SUCO: variants seen among roughly 807,000 people sequenced by gnomAD.
The protein encoded by SUCO is SUN domain containing ossification factor.
A neutral mutation model predicts 148.1 loss-of-function variants in SUCO; 57 were observed. That is an observed-to-expected ratio of 0.38 (90% CI 0.31 to 0.48). The LOEUF (loss-of-function observed/expected upper bound fraction) is 0.48, where lower values mean the gene tolerates loss of function less well. Ranked by LOEUF, SUCO falls within the 20% of genes least tolerant of loss-of-function variation. The pLI, the probability that SUCO is intolerant of heterozygous loss-of-function variation, is 0.96. For synonymous variants in SUCO, 470 were observed against 502.7 expected (o/e 0.93, Z 0.87); for missense variants, 1,331 against 1,468.2 (o/e 0.91, Z 1.53).
At position 172,610,373 on chromosome 1, in the gene SUCO, G is replaced by A; in HGVS notation, c.*114G>A. On this transcript the variant is annotated 3_prime_UTR_variant, in exon 24 of 24. Transcript: ENST00000263688. The stretch of plus-strand genomic sequence containing the variant: ...AAAATATTAATGGGAAAGGCATTCA[G>A]AAATTATGGTTTCTACCTTTTTAAA... 2 of 1,416,224 alleles carry A rather than the reference G, an allele frequency of 1.4e-6. No individual in the cohort carries two copies. Among genetic ancestry groups the A allele is most frequent in the Non-Finnish European group, 1.9e-6 (2 of 1,081,058 alleles). 87.7% of individuals were successfully genotyped at this position (1,416,224 alleles called of 1,614,324 possible). A position where few individuals can be genotyped will look rare whatever the true frequency, so the allele number is the denominator to read the frequency against.
At chr1:172,562,395 G>A (rs1197009131) in intron 6 of SUCO, among the ~76,000 whole-genome samples, 1 of 149,362 alleles carries the variant, frequency 6.7e-6, no homozygotes, top group African/African-American at 2.5e-5. Flanking sequence ...GTGCAGTGGT[G>A]CGATCTCTGC....
At chr1:172,571,556 C>T (rs1654989402) in intron 9 of SUCO, among the ~76,000 whole-genome samples, 1 of 147,920 alleles carries the variant, frequency 6.8e-6, no homozygotes, top group Non-Finnish European at 1.5e-5. Context: ...TGCCTGGCTG[C>T]CCAGTCTGGA....
At chr1:172,580,521 T>C (rs1184778146) in intron 15 of SUCO, among the ~76,000 whole-genome samples, 1 of 152,214 alleles carries the variant, frequency 6.6e-6, no homozygotes, top group East Asian at 1.9e-4. Context: ...TGGATATTAA[T>C]GTTTTTGTTT....
chr1:172,585,041 A>G lies in SUCO; in HGVS notation c.1522A>G (p.Ile508Val). ...AGATGCCATTCTAAATATGGTGAAT[A>G]TTGCTGCTAATATTCTGGGAGCAAA... ...ATNAILNMVN[I>V]AANILGAKTE... Residue 508 changes from isoleucine to valine, a missense_variant, in exon 16 of 24, where the codon ATT (isoleucine) becomes GTT (valine). Ile to Val is a conservative substitution (Grantham distance 29). Around this residue, in one of 3 missense-constraint regions of SUCO, gnomAD observed 992 missense variants for 1,093.5 expected, o/e 0.91. Transcript: ENST00000263688. 1 of 1,604,618 alleles carries G rather than the reference A, an allele frequency of 6.2e-7. No individual in the cohort carries two copies. Among genetic ancestry groups the G allele is most frequent in the Middle Eastern group, 1.7e-4 (1 of 5,954 alleles).
chr1:172,550,008 T>C (rs981871231), intron 1 of SUCO, among the ~76,000 whole-genome samples: 1 of 151,976 alleles, frequency 6.6e-6, no homozygotes, highest in Non-Finnish European at 1.5e-5. Flanking sequence ...TGGTGTTATT[T>C]GGGTGCTTCT....
chr1:172,571,345 T>A (rs1340034520), intron 9 of SUCO, among the ~76,000 whole-genome samples: 1 of 152,212 alleles, frequency 6.6e-6, no homozygotes, highest in African/African-American at 2.4e-5. Flanking sequence ...GCAGACGGAG[T>A]CTGGTTCACT....
chr1:172,554,273 A>G (rs1486762849), intron 3 of SUCO, among the ~76,000 whole-genome samples: 1 of 152,224 alleles, frequency 6.6e-6, no homozygotes, highest in East Asian at 1.9e-4. Flanking sequence ...TTGTATGACT[A>G]TCCTGAACAC....
At chr1:172,583,311 A>C (rs771812841) in intron 15 of SUCO, among the ~76,000 whole-genome samples, 4 of 152,204 alleles carry the variant, frequency 2.6e-5, no homozygotes, top group Admixed American at 6.5e-5. Context: ...GCAATATTAA[A>C]AATGTTATTT....
intron 19 of SUCO, among the ~76,000 whole-genome samples, chr1:172,596,374 A>T (rs1223876722): frequency 6.6e-6 from 1 of 152,096 alleles, no homozygotes; most frequent in East Asian, 1.9e-4. Context: ...TCATTTTTAG[A>T]ATTTTCAGCT....
At chr1:172,597,061 C>T (rs1657156919) in intron 19 of SUCO, among the ~76,000 whole-genome samples, 1 of 152,182 alleles carries the variant, frequency 6.6e-6, no homozygotes, top group Non-Finnish European at 1.5e-5. Context: ...GTGAGCGAGG[C>T]TCCGTGGGCA....
chr1:172,553,181 A>G (rs2149229251), intron 2 of SUCO, 79 bp from the exon 3 acceptor site: 1 of 1,386,094 alleles, frequency 7.2e-7, no homozygotes. Context: ...AAGTATGGAA[A>G]AAAACCATCT....
chr1:172,543,125 T>G, intron 1 of SUCO: 1 of 501,260 alleles, frequency 2.0e-6, no homozygotes, highest in Non-Finnish European at 2.6e-6. Context: ...TTGTCTTACA[T>G]GCAGCTTTGA....
intron 1 of SUCO, among the ~76,000 whole-genome samples, chr1:172,551,300 T>C (rs1653276546): frequency 6.6e-6 from 1 of 152,112 alleles, no homozygotes; most frequent in South Asian, 2.1e-4. Context: ...GAATTCATAA[T>C]GTCTTACTTG....
Position 172,555,963 on chromosome 1 carries a change from A to T in SUCO, c.383A>T (p.Glu128Val). 6.2e-6 allele frequency: 10 copies of T among 1,613,446 alleles called. No homozygotes were observed. Among genetic ancestry groups the T allele is most frequent in the Non-Finnish European group, 8.5e-6 (10 of 1,179,632 alleles). The change falls in exon 4 of 24, where the codon GAA becomes GTA. Residue 128 changes from glutamate to valine, a missense_variant. Glu to Val is a moderately radical substitution (Grantham distance 121). Coordinates refer to ENST00000263688, the MANE Select transcript of SUCO (RefSeq NM_014283.5). Reference protein sequence around the residue: ...EESSNAVVDSETVENISSSST... With the variant: ...EESSNAVVDSVTVENISSSST... The stretch of plus-strand genomic sequence containing the variant: ...TCTTCCAATGCAGTTGTGGACAGTG[A>T]AACTGTTGAAAATATTTCCAGCTCA...
At chr1:172,556,706 A>G (rs1177542601) in intron 4 of SUCO, 24 of 985,108 alleles carry the variant, frequency 2.4e-5, no homozygotes, top group Non-Finnish European at 2.7e-5. Flanking sequence ...TTGTCTCAGT[A>G]TGGGCCAGGG....
intron 22 of SUCO, among the ~76,000 whole-genome samples, chr1:172,607,684 T>A (rs1380918974): frequency 1.3e-5 from 2 of 151,866 alleles, no homozygotes; most frequent in African/African-American, 4.8e-5. Context: ...AAAAACAAAC[T>A]ATCATTACTT....
intron 6 of SUCO, among the ~76,000 whole-genome samples, chr1:172,566,779 T>C (rs1478572010): frequency 1.3e-5 from 2 of 152,328 alleles, no homozygotes; most frequent in South Asian, 4.1e-4. Context: ...GGTGTTGCCA[T>C]GGCAGTGCTA....
intron 3 of SUCO, among the ~76,000 whole-genome samples, chr1:172,554,339 G>A (rs1019265506): frequency 2.6e-5 from 4 of 152,110 alleles, no homozygotes; most frequent in Non-Finnish European, 5.9e-5. Context: ...AAATACTTCC[G>A]AGTGCTTACC....
At position 172,588,983 on chromosome 1, in the gene SUCO, A is replaced by C. The variant is rs751558061; in HGVS notation, c.1882A>C (p.Ser628Arg). ...SELTTICCIS[S>R]FSEYIYKWCS... ...ACTGACCACAATTTGTTGTATTTCT[A>C]GTTTTTCAGAATACATATATAAATG... Residue 628 changes from serine (S) to arginine (R), a missense_variant, in exon 18 of 24, where the codon AGT (serine) becomes CGT (arginine). Coordinates refer to ENST00000263688, the MANE Select transcript of SUCO (RefSeq NM_014283.5). 6.2e-7 allele frequency: 1 copy of C among 1,610,530 alleles called. No homozygotes were observed. Among genetic ancestry groups the C allele is most frequent in the Non-Finnish European group, 8.5e-7 (1 of 1,178,294 alleles).
Sources: gnomAD v4.1 joint callset for allele counts (sites outside exome capture counted in the v4.1 genomes callset) on GRCh38, gnomAD v4.1.1 for gene constraint, gnomAD v4.1.1 regional missense constraint, MANE v1.5 for transcripts, NCBI Gene and HGNC (gene_info 2026-07-23, HGNC 2026-07-21) for gene names.